SH3PXD2A: variants seen among roughly 807,000 people sequenced by gnomAD.
SH3PXD2A encodes the protein SH3 and PX domain-containing protein 2A.
A neutral mutation model predicts 115.2 loss-of-function variants in SH3PXD2A; 32 were observed. That is an observed-to-expected ratio of 0.28 (90% CI 0.21 to 0.37). SH3PXD2A has a LOEUF of 0.37. Among genes scored for constraint, SH3PXD2A ranks in the 10% least tolerant of loss-of-function variants. SH3PXD2A has a pLI of 1.00. For synonymous variants in SH3PXD2A, 610 were observed against 629.1 expected (o/e 0.97, Z 0.45); for missense variants, 1,328 against 1,498.7 (o/e 0.89, Z 1.88).
chr10:103,655,797 A>G (rs994087347), intron 8 of SH3PXD2A, among the ~76,000 whole-genome samples: 81 of 142,992 alleles, frequency 5.7e-4, no homozygotes, highest in Non-Finnish European at 9.6e-4. Context: ...AAAAAAAAAA[A>G]GCAAGCAAAG....
At chr10:103,719,334 C>T (rs58165340) in intron 5 of SH3PXD2A, among the ~76,000 whole-genome samples, 7 of 152,244 alleles carry the variant, frequency 4.6e-5, no homozygotes, top group Admixed American at 3.9e-4. Flanking sequence ...AACCGTAGGT[C>T]TGGGGCCAGC....
intron 5 of SH3PXD2A, among the ~76,000 whole-genome samples, chr10:103,710,732 G>A (rs1439933145): frequency 6.6e-6 from 1 of 152,142 alleles, no homozygotes; most frequent in Non-Finnish European, 1.5e-5. Context: ...GTGAGAGGTG[G>A]GGATGGCAGG....
chr10:103,708,242 G>A (rs1592312215), intron 5 of SH3PXD2A, among the ~76,000 whole-genome samples: 2 of 152,260 alleles, frequency 1.3e-5, no homozygotes, highest in East Asian at 3.9e-4. Context: ...CTCCACACTC[G>A]TTACAGAAAC....
At chr10:103,819,156 A>G (rs1218497716) in intron 1 of SH3PXD2A, among the ~76,000 whole-genome samples, 1 of 152,214 alleles carries the variant, frequency 6.6e-6, no homozygotes, top group Admixed American at 6.5e-5. Flanking sequence ...AGACACTGGC[A>G]ACACAAAGTC....
At chr10:103,839,736 A>G (rs2039579607) in intron 1 of SH3PXD2A, among the ~76,000 whole-genome samples, 2 of 152,214 alleles carry the variant, frequency 1.3e-5, no homozygotes, top group Admixed American at 1.3e-4. Context: ...CCCATGATAC[A>G]GATACTAACA....
At chr10:103,661,229 C>A in intron 7 of SH3PXD2A, 115 bp from the exon 8 acceptor site, 1 of 1,253,024 alleles carries the variant, frequency 8.0e-7, no homozygotes, top group South Asian at 1.5e-5. Flanking sequence ...AGCGCCGCTC[C>A]CAGGGGCAGC....
At chr10:103,798,460 A>C (rs1195508415) in intron 2 of SH3PXD2A, among the ~76,000 whole-genome samples, 2 of 152,156 alleles carry the variant, frequency 1.3e-5, no homozygotes, top group Non-Finnish European at 2.9e-5. Context: ...CAGGCACACC[A>C]TCGCACCTCG....
At position 103,735,753 on chromosome 10, in the gene SH3PXD2A, C is replaced by T. The variant is rs1446482918; in HGVS notation, c.285G>A (p.Lys95=). The part of the protein sequence containing the change: ...HIRDVAVKRL[K]PIDEYCRALV... ...TCACCCGGCAGTATTCATCGATGGG[C>T]TTCAGTCTCTTCACAGCTACGTCCC... Residue 95 remains lysine (K), a synonymous_variant, in exon 4 of 15, where the codon AAG becomes AAA. Transcript: ENST00000369774. 2 of 1,595,012 alleles carry T rather than the reference C, an allele frequency of 1.3e-6. No homozygotes were observed. Among genetic ancestry groups the T allele is most frequent in the South Asian group, 2.2e-5 (2 of 90,916 alleles).
intron 1 of SH3PXD2A, among the ~76,000 whole-genome samples, chr10:103,854,955 AG>A (rs1476719384): frequency 2.6e-5 from 4 of 152,154 alleles, no homozygotes; most frequent in African/African-American, 4.8e-5. Context: ...GTAACAGACA[AG>A]GGCAGCCACT....
chr10:103,717,047 C>T (rs145901902), intron 5 of SH3PXD2A, among the ~76,000 whole-genome samples: 109 of 152,316 alleles, frequency 7.2e-4, no homozygotes, highest in African/African-American at 2.4e-3. Flanking sequence ...GCATCATCCT[C>T]GCAACTGCCT....
intron 1 of SH3PXD2A, among the ~76,000 whole-genome samples, chr10:103,853,592 G>A (rs543489371): frequency 6.6e-6 from 1 of 152,328 alleles, no homozygotes; most frequent in South Asian, 2.1e-4. Flanking sequence ...TTTCAATCCT[G>A]TCTGCAGTGG....
intron 5 of SH3PXD2A, among the ~76,000 whole-genome samples, chr10:103,708,707 A>T (rs933003452): frequency 6.6e-6 from 1 of 152,070 alleles, no homozygotes; most frequent in African/African-American, 2.4e-5. Context: ...TCAGCCTCAG[A>T]TCTGCTTCTG....
At chr10:103,835,392 A>G (rs1337946417) in intron 1 of SH3PXD2A, among the ~76,000 whole-genome samples, 1 of 152,230 alleles carries the variant, frequency 6.6e-6, no homozygotes, top group African/African-American at 2.4e-5. Context: ...CCTTCCAGGA[A>G]TCCAGACTGG....
intron 13 of SH3PXD2A, among the ~76,000 whole-genome samples, chr10:103,606,256 C>A (rs2036300458): frequency 6.6e-6 from 1 of 151,394 alleles, no homozygotes; most frequent in Non-Finnish European, 1.5e-5. Context: ...GGGACCCAGG[C>A]TAGAGTGCAG....
intron 11 of SH3PXD2A, among the ~76,000 whole-genome samples, chr10:103,615,608 A>G (rs753316787): frequency 7.3e-5 from 11 of 151,374 alleles, no homozygotes; most frequent in Non-Finnish European, 7.4e-5. Flanking sequence ...TGGCATATTT[A>G]AGGGGGTGTC....
intron 3 of SH3PXD2A, among the ~76,000 whole-genome samples, chr10:103,766,488 C>T (rs902819451): frequency 1.3e-5 from 2 of 152,158 alleles, no homozygotes; most frequent in Non-Finnish European, 2.9e-5. Context: ...ATAGTACACA[C>T]CTCGGTATAG....
intron 1 of SH3PXD2A, among the ~76,000 whole-genome samples, chr10:103,845,288 G>A (rs1340499016): frequency 5.7e-5 from 8 of 140,656 alleles, no homozygotes; most frequent in Non-Finnish European, 9.0e-5. Context: ...CCAAGATTGC[G>A]CCTCTGCACT....
chr10:103,612,532 A>G (rs1205533725), intron 12 of SH3PXD2A, among the ~76,000 whole-genome samples: 1 of 152,194 alleles, frequency 6.6e-6, no homozygotes, highest in Non-Finnish European at 1.5e-5. Context: ...AAAAGAAAAC[A>G]TTTCTTGCTC....
At chr10:103,782,820 A>G (rs1369432692) in intron 2 of SH3PXD2A, among the ~76,000 whole-genome samples, 1 of 133,400 alleles carries the variant, frequency 7.5e-6, no homozygotes, top group Non-Finnish European at 1.5e-5. Context: ...GGGAGACTCC[A>G]TCTCTCCAAA....
Sources: gnomAD v4.1 joint callset for allele counts (sites outside exome capture counted in the v4.1 genomes callset) on GRCh38, gnomAD v4.1.1 for gene constraint, MANE v1.5 for transcripts, NCBI Gene and HGNC (gene_info 2026-07-23, HGNC 2026-07-21) for gene names.